Variants in FGGY observed in about 807,000 individuals in gnomAD.
FGGY encodes the protein FGGY carbohydrate kinase domain-containing protein.
In FGGY, 72 loss-of-function variants were observed where a neutral mutation model predicts 71.3. That is an observed-to-expected ratio of 1.01 (90% CI 0.84 to 1.23). The LOEUF (loss-of-function observed/expected upper bound fraction) is 1.23, where lower values mean the gene tolerates loss of function less well. FGGY is among the 50% of genes most tolerant of loss of function. FGGY has a pLI of 0.00. For synonymous variants in FGGY, 251 were observed against 250.3 expected (o/e 1.00, Z -0.02); for missense variants, 668 against 682.3 (o/e 0.98, Z 0.23).
chr1:59,536,663 G>T (rs1461706894), intron 7 of FGGY, among the ~76,000 whole-genome samples: 1 of 152,172 alleles, frequency 6.6e-6, no homozygotes. Context: ...CCATGATCAA[G>T]TGGGCTTCAT....
At chr1:59,554,070 T>A in intron 7 of FGGY, 54 bp from the exon 8 acceptor site, 1 of 1,353,880 alleles carries the variant, frequency 7.4e-7, no homozygotes. Flanking sequence ...TAGCTTTCTC[T>A]CCCTCTTTTT....
intron 1 of FGGY, among the ~76,000 whole-genome samples, chr1:59,314,042 T>C (rs1400190057): frequency 1.3e-5 from 2 of 152,002 alleles, no homozygotes; most frequent in East Asian, 3.9e-4. Context: ...TCTCGCTCAC[T>C]GCAAGCTCTG....
At chr1:59,716,063 A>C (rs2097844090) in intron 14 of FGGY, among the ~76,000 whole-genome samples, 1 of 152,182 alleles carries the variant, frequency 6.6e-6, no homozygotes, top group Admixed American at 6.5e-5. Flanking sequence ...CAACTTAAAG[A>C]TGAAGGAAAT....
At chr1:59,466,224 T>A (rs1473702926) in intron 6 of FGGY, among the ~76,000 whole-genome samples, 1 of 152,168 alleles carries the variant, frequency 6.6e-6, no homozygotes, top group African/African-American at 2.4e-5. Context: ...ATCTGATCTT[T>A]GACAAACCTG....
At chr1:59,425,079 A>G (rs1249309328) in intron 5 of FGGY, among the ~76,000 whole-genome samples, 1 of 152,168 alleles carries the variant, frequency 6.6e-6, no homozygotes, top group Non-Finnish European at 1.5e-5. Context: ...TGAAATCAAT[A>G]TTACTTCCCT....
chr1:59,602,499 A>G (rs2096587593), intron 8 of FGGY, among the ~76,000 whole-genome samples: 1 of 152,228 alleles, frequency 6.6e-6, no homozygotes, highest in African/African-American at 2.4e-5. Context: ...TTGTTTTAAA[A>G]TTGGATTTTT....
At chr1:59,516,119 A>G (rs1451703843) in intron 7 of FGGY, among the ~76,000 whole-genome samples, 1 of 151,924 alleles carries the variant, frequency 6.6e-6, no homozygotes, top group Non-Finnish European at 1.5e-5. Flanking sequence ...CTCTTTCTTT[A>G]CCCTTCACCT....
At chr1:59,668,951 A>G (rs1254678931) in intron 13 of FGGY, among the ~76,000 whole-genome samples, 4 of 145,706 alleles carry the variant, frequency 2.7e-5, no homozygotes, top group Non-Finnish European at 4.5e-5. Flanking sequence ...AGATTGCGCC[A>G]TTGCACTCCA....
chr1:59,359,624 TGTCTGTTC>T (rs2055017501), intron 4 of FGGY, among the ~76,000 whole-genome samples: 1 of 152,180 alleles, frequency 6.6e-6, no homozygotes, highest in Non-Finnish European at 1.5e-5. Flanking sequence ...CCTGGAGGCT[TGTCTGTTC>T]ATCCAGAATG....
At chr1:59,371,481 A>G (rs2057623203) in intron 4 of FGGY, among the ~76,000 whole-genome samples, 1 of 152,180 alleles carries the variant, frequency 6.6e-6, no homozygotes, top group Admixed American at 6.5e-5. Flanking sequence ...CCCCACTGTC[A>G]ACATTAGACA....
Position 59,607,672 on chromosome 1 carries a change from G to C in FGGY, c.904-131G>C. Reference sequence around the variant, plus strand: ...AGGAGCCATGGCCTTTCTTGGGAGAGAGTGACTTCCCCACCATAAAAGGCA... The same window carrying C: ...AGGAGCCATGGCCTTTCTTGGGAGACAGTGACTTCCCCACCATAAAAGGCA... On this transcript the variant is annotated intron_variant, in intron 8 of 15. Coordinates refer to ENST00000303721, the MANE Select transcript of FGGY (RefSeq NM_018291.5). The C allele has an allele frequency of 8.2e-6, 5 of 606,790 alleles. No homozygotes were observed. The South Asian group carries it at 9.8e-5, about 12-fold the overall frequency. 37.6% of individuals were successfully genotyped at this position (606,790 alleles called of 1,614,324 possible). A position where few individuals can be genotyped will look rare whatever the true frequency, so the allele number is the denominator to read the frequency against.
chr1:59,755,948 G>T (rs1330227417), intron 14 of FGGY: 1 of 152,188 alleles, frequency 6.6e-6, no homozygotes, highest in African/African-American at 2.4e-5. Context: ...AGACGAAAAG[G>T]ACAAAATAAG....
At chr1:59,301,116 A>G (rs1381082878) in intron 1 of FGGY, among the ~76,000 whole-genome samples, 3 of 152,204 alleles carry the variant, frequency 2.0e-5, no homozygotes, top group African/African-American at 7.2e-5. Context: ...ATATCTGTTC[A>G]TTTATTTAAG....
intron 14 of FGGY, among the ~76,000 whole-genome samples, chr1:59,700,270 TTATC>T (rs1237387226): frequency 1.3e-5 from 2 of 152,208 alleles, no homozygotes; most frequent in African/African-American, 4.8e-5. Context: ...TAGATGAGTA[TTATC>T]TATCTGTCAT....
At chr1:59,471,940 G>C (rs1454241661) in intron 6 of FGGY, among the ~76,000 whole-genome samples, 2 of 152,246 alleles carry the variant, frequency 1.3e-5, no homozygotes, top group African/African-American at 4.8e-5. Flanking sequence ...TGGAAAATTG[G>C]AGTGGTAGTG....
At chr1:59,752,886 C>T (rs1237031907) in intron 14 of FGGY, among the ~76,000 whole-genome samples, 1 of 152,222 alleles carries the variant, frequency 6.6e-6, no homozygotes, top group Non-Finnish European at 1.5e-5. Flanking sequence ...AAACCCTTCA[C>T]TTGCTTTCAG....
rs1457695782 is a variant in FGGY at position 59,361,068 on chromosome 1, T to C, written c.465+14670T>C. Among the ~76,000 whole-genome samples the C allele has an allele frequency of 2.6e-5, 4 of 152,250 alleles. No individual in the cohort carries two copies. In the East Asian group the frequency reaches 7.7e-4, roughly 29 times the overall value. The stretch of plus-strand genomic sequence containing the variant: ...CAGGGCAATTCCACTTGCACTATTA[T>C]TAATACCTTACAGGGTGTCCTTCAC... On this transcript the variant is annotated intron_variant, in intron 4 of 15. Coordinates refer to ENST00000303721, the MANE Select transcript of FGGY (RefSeq NM_018291.5).
intron 6 of FGGY, among the ~76,000 whole-genome samples, chr1:59,499,718 G>A (rs545099266): frequency 6.6e-6 from 1 of 152,142 alleles, no homozygotes; most frequent in Non-Finnish European, 1.5e-5. Context: ...GCTAGGAAAA[G>A]AACCTAACAT....
At chr1:59,399,424 T>C (rs2061682351) in intron 5 of FGGY, among the ~76,000 whole-genome samples, 1 of 152,184 alleles carries the variant, frequency 6.6e-6, no homozygotes, top group Non-Finnish European at 1.5e-5. Flanking sequence ...ATTATACTCA[T>C]TTTATAGATG....
Sources: allele counts gnomAD v4.1 joint callset (sites outside exome capture counted in the v4.1 genomes callset), GRCh38; gene constraint gnomAD v4.1.1; transcripts MANE v1.5; gene names NCBI Gene and HGNC (gene_info 2026-07-23, HGNC 2026-07-21).